MRAP: variants seen among roughly 807,000 people sequenced by gnomAD.
MRAP encodes melanocortin-2 receptor accessory protein.
In MRAP, 8 loss-of-function variants were observed where a neutral mutation model predicts 8.7. That is an observed-to-expected ratio of 0.92 (90% CI 0.54 to 1.66). The LOEUF (loss-of-function observed/expected upper bound fraction) is 1.66, where lower values mean the gene tolerates loss of function less well. Ranked by LOEUF, MRAP falls within the 40% of genes most tolerant of loss-of-function variation. The pLI is 0.00. For missense variants in MRAP, 237 were observed against 217.1 expected, an observed-to-expected ratio of 1.09 and a Z score of -0.58; for synonymous variants, 95 against 95.5, an observed-to-expected ratio of 1.00 and a Z score of 0.03.
intron 2 of MRAP, among the ~76,000 whole-genome samples, chr21:32,307,810 G>A (rs887174558): frequency 1.3e-5 from 2 of 152,272 alleles, no homozygotes; most frequent in African/African-American, 2.4e-5. Context: ...GCAGGTCAAG[G>A]CTGCAGTGAG....
intron 1 of MRAP, among the ~76,000 whole-genome samples, chr21:32,304,604 ACT>A (rs2032359583): frequency 1.3e-5 from 2 of 150,886 alleles, no homozygotes; most frequent in South Asian, 2.1e-4. Context: ...ACAGATTAAG[ACT>A]CTGTCTCAAA....
chr21:32,306,289 C>G (rs1263937204), intron 1 of MRAP, among the ~76,000 whole-genome samples: 1 of 152,106 alleles, frequency 6.6e-6, no homozygotes, highest in Admixed American at 6.5e-5. Context: ...CCACAGCCCT[C>G]TCCTCTCCCT....
intron 2 of MRAP, chr21:32,311,186 C>T (rs2032557420): frequency 6.2e-6 from 1 of 160,196 alleles, no homozygotes; most frequent in African/African-American, 2.4e-5. Context: ...TCTCATGAGA[C>T]TTACTATCAC....
At chr21:32,314,545 T>A, downstream of MRAP, 2 of 1,612,870 alleles carry the variant, frequency 1.2e-6, no homozygotes, top group South Asian at 2.2e-5. Flanking sequence ...CCTTTTGACA[T>A]TTCAGCTTTA....
At chr21:32,312,379 T>A (rs922733493), downstream of MRAP, 28 of 1,108,936 alleles carry the variant, frequency 2.5e-5, no homozygotes, top group Non-Finnish European at 3.1e-5. Context: ...CTTCTGTACC[T>A]TTGTTAGGAT....
At chr21:32,297,393 T>C (rs573937646), upstream of MRAP, among the ~76,000 whole-genome samples, 15 of 152,262 alleles carry the variant, frequency 9.9e-5, no homozygotes, top group Non-Finnish European at 1.8e-4. Flanking sequence ...GCATAGCACA[T>C]GATAAAACCC....
In MRAP at chr21:32,304,965, G is replaced by GTTTTTT. The variant is rs537525538; in HGVS notation, c.107-1655_107-1650dup. 8.1e-4 allele frequency among the ~76,000 whole-genome samples: 63 copies of GTTTTTT among 78,108 alleles called. 1 individual carries two copies. The highest frequency in any genetic ancestry group is 2.4e-3 in the African/African-American group (51 of 20,982). The allele number at this position is 78,108 out of a possible 152,430, so 51.2% of individuals were successfully genotyped here. The stretch of plus-strand genomic sequence containing the variant: ...TTGAGGGGGATTTGTTTTTTTTGTT[G>GTTTTTT]TTTTTTTTTTTTTTTTTTTTTTTTT... On this transcript the variant is annotated intron_variant, in intron 1 of 2. Transcript: ENST00000303645.
At chr21:32,292,517 C>T (rs1295433141) in intron 1 of MRAP, among the ~76,000 whole-genome samples, 2 of 152,078 alleles carry the variant, frequency 1.3e-5, no homozygotes, top group East Asian at 1.9e-4. Flanking sequence ...AATACAGTGG[C>T]GTGATCTTGG....
intron 2 of MRAP, chr21:32,311,408 A>AACCCC: frequency 6.1e-5 from 13 of 212,654 alleles, no homozygotes; most frequent in South Asian, 1.2e-4. Flanking sequence ...GCTCCCCTCC[A>AACCCC]CCCCCCACCC....
At chr21:32,302,482 G>A (rs1280843567) in intron 1 of MRAP, among the ~76,000 whole-genome samples, 1 of 152,196 alleles carries the variant, frequency 6.6e-6, no homozygotes. Context: ...CATTGAGAAA[G>A]TCCGTTTCTT....
In MRAP at chr21:32,306,912, A is replaced by G; in HGVS notation, c.206+173A>G. The G allele has an allele frequency of 4.4e-6, 3 of 680,922 alleles. No individual in the cohort carries two copies. In the South Asian group the frequency reaches 4.7e-5, roughly 11 times the overall value. 42.2% of individuals were successfully genotyped at this position (680,922 alleles called of 1,614,324 possible). A position where few individuals can be genotyped will look rare whatever the true frequency, so the allele number is the denominator to read the frequency against. ...TGAGCATCTCAAATCCAAAAATCCG[A>G]AATATTCCAGCGAGCATTTCCTTTG... is the stretch of plus-strand genomic sequence containing the variant. On this transcript the variant is annotated intron_variant, in intron 2 of 2. Transcript: ENST00000303645.
At chr21:32,306,558 T>C in intron 1 of MRAP, 82 bp from the exon 2 acceptor site, 1 of 1,145,790 alleles carries the variant, frequency 8.7e-7, no homozygotes, top group Non-Finnish European at 1.3e-6. Flanking sequence ...CATTCCACAA[T>C]ACCCTGGGAC....
upstream of MRAP, among the ~76,000 whole-genome samples, chr21:32,295,977 AAAAACAAAAC>A (rs201808516): frequency 6.6e-6 from 1 of 152,130 alleles, no homozygotes; most frequent in African/African-American, 2.4e-5. Flanking sequence ...CTCCATCTCA[AAAAACAAAAC>A]AAAACAAAAC....
At chr21:32,311,620 C>T (rs1272185272) in intron 2 of MRAP, 64 bp from the exon 3 acceptor site, 2 of 1,571,268 alleles carry the variant, frequency 1.3e-6, no homozygotes, top group Non-Finnish European at 1.7e-6. Context: ...AACCCCCCAG[C>T]CCCACAGTAT....
At chr21:32,306,261 C>G (rs1392533018) in intron 1 of MRAP, among the ~76,000 whole-genome samples, 1 of 151,930 alleles carries the variant, frequency 6.6e-6, no homozygotes, top group Non-Finnish European at 1.5e-5. Context: ...AGGAGTCCTT[C>G]CTAACACACA....
intron 2 of MRAP, among the ~76,000 whole-genome samples, chr21:32,310,654 CTT>C (rs34024378): frequency 6.9e-6 from 1 of 144,336 alleles, no homozygotes. Context: ...TTTTTTTTTT[CTT>C]TTTTTTTTTG....
At chr21:32,306,449 T>C (rs979894301) in intron 1 of MRAP, 191 bp from the exon 2 acceptor site, 5 of 652,970 alleles carry the variant, frequency 7.7e-6, no homozygotes, top group Non-Finnish European at 1.4e-5. Context: ...AAAAAGACAC[T>C]TCTTGGCTCC....
At chr21:32,307,079 A>G (rs1276586593) in intron 2 of MRAP, among the ~76,000 whole-genome samples, 1 of 152,224 alleles carries the variant, frequency 6.6e-6, no homozygotes, top group Non-Finnish European at 1.5e-5. Flanking sequence ...TGCAACATGC[A>G]TGAACCTCAA....
intron 1 of MRAP, among the ~76,000 whole-genome samples, chr21:32,302,919 C>T (rs919867486): frequency 6.6e-6 from 1 of 151,602 alleles, no homozygotes; most frequent in Non-Finnish European, 1.5e-5. Flanking sequence ...GGTTCTATCA[C>T]GACGGAAGCA....
Sources: allele counts gnomAD v4.1 joint callset (sites outside exome capture counted in the v4.1 genomes callset), GRCh38; gene constraint gnomAD v4.1.1; transcripts MANE v1.5; gene names NCBI Gene and HGNC (gene_info 2026-07-23, HGNC 2026-07-21).